HAPSTR1: variants seen among roughly 807,000 people sequenced by gnomAD.
HAPSTR1 encodes the protein HUWE1 associated protein modifying stress responses.
chr16:9,106,871 G>A, the HAPSTR1 span: 13,143 of 152,126 alleles, frequency 0.086, 777 homozygotes, highest in Admixed American at 0.18. Flanking sequence ...TCGTTTTTAT[G>A]TAAACAGCAT....
chr16:9,104,455 A>G, the HAPSTR1 span: 2 of 152,368 alleles, frequency 1.3e-5, no homozygotes, highest in East Asian at 3.9e-4. Context: ...GTCATCTAAA[A>G]CAAAGTAACC....
At chr16:9,092,400 C>G in the HAPSTR1 span, 3 of 812,916 alleles carry the variant, frequency 3.7e-6, no homozygotes, top group South Asian at 1.2e-4. Flanking sequence ...GCCGGTGGCT[C>G]CGCGGCCCTG....
chr16:9,109,086 C>T, the HAPSTR1 span: 1 of 152,306 alleles, frequency 6.6e-6, no homozygotes, highest in Admixed American at 6.5e-5. Context: ...AGCTATCACA[C>T]TGGAGGGATC....
the HAPSTR1 span, chr16:9,116,648 A>T: frequency 6.2e-7 from 1 of 1,606,210 alleles, no homozygotes; most frequent in Non-Finnish European, 8.5e-7. Context: ...CAACTCTAAA[A>T]CCTTTTTTCT....
the HAPSTR1 span, chr16:9,112,862 GT>G: frequency 4.1e-4 from 63 of 152,190 alleles, no homozygotes; most frequent in African/African-American, 1.5e-3. Context: ...AAACTGCTGA[GT>G]TTATCTTGTG....
At chr16:9,119,250 A>C in the HAPSTR1 span, 1 of 152,230 alleles carries the variant, frequency 6.6e-6, no homozygotes, top group East Asian at 1.9e-4. Context: ...AAAACTTCTG[A>C]CAGCTAGGTT....
At chr16:9,101,980 G>A in the HAPSTR1 span, among the ~76,000 whole-genome samples, 4 of 152,172 alleles carry the variant, frequency 2.6e-5, no homozygotes, top group Admixed American at 1.3e-4. Flanking sequence ...AATTAGCCAG[G>A]CATGGTGGCG....
At chr16:9,101,393 T>G in the HAPSTR1 span, among the ~76,000 whole-genome samples, 6 of 152,232 alleles carry the variant, frequency 3.9e-5, no homozygotes, top group African/African-American at 1.4e-4. Flanking sequence ...TGAGCTGCTT[T>G]TTATATTTGT....
the HAPSTR1 span, among the ~76,000 whole-genome samples, chr16:9,095,346 A>C: frequency 6.6e-6 from 1 of 152,222 alleles, no homozygotes; most frequent in Non-Finnish European, 1.5e-5. Flanking sequence ...AGAACCAATA[A>C]AATTAGCAAG....
chr16:9,117,255 G>A, the HAPSTR1 span: 2 of 213,460 alleles, frequency 9.4e-6, no homozygotes, highest in East Asian at 1.2e-4. Flanking sequence ...TTTGGTTATA[G>A]AATGCTTTTT....
chr16:9,097,240 CTTTT>C, the HAPSTR1 span, among the ~76,000 whole-genome samples: 1 of 140,800 alleles, frequency 7.1e-6, no homozygotes, highest in Non-Finnish European at 1.5e-5. Flanking sequence ...GCGCCTGGCT[CTTTT>C]TTTTTTTTTT....
the HAPSTR1 span, among the ~76,000 whole-genome samples, chr16:9,099,822 C>G: frequency 6.6e-6 from 1 of 152,262 alleles, no homozygotes; most frequent in East Asian, 1.9e-4. Context: ...GTAGTCATGC[C>G]TAAGATTCTC....
At chr16:9,114,629 A>G in the HAPSTR1 span, among the ~76,000 whole-genome samples, 5 of 152,096 alleles carry the variant, frequency 3.3e-5, no homozygotes, top group Non-Finnish European at 5.9e-5. Context: ...GGGAAGAGAG[A>G]GAAACTGTTC....
At chr16:9,108,696 G>A in the HAPSTR1 span, 1 of 152,074 alleles carries the variant, frequency 6.6e-6, no homozygotes, top group African/African-American at 2.4e-5. Context: ...TAGACTTAAA[G>A]GTGAATGACC....
the HAPSTR1 span, chr16:9,093,040 G>A: frequency 1.9e-6 from 3 of 1,565,166 alleles, no homozygotes; most frequent in Non-Finnish European, 2.6e-6. Context: ...TCAGGGAAGG[G>A]CCGCCTGCGT....
At chr16:9,096,316 GTAA>G in the HAPSTR1 span, among the ~76,000 whole-genome samples, 12 of 152,232 alleles carry the variant, frequency 7.9e-5, no homozygotes, top group East Asian at 3.9e-4. Flanking sequence ...ATGAAGGGAA[GTAA>G]TAATAGTTTA....
the HAPSTR1 span, among the ~76,000 whole-genome samples, chr16:9,113,728 G>A: frequency 6.6e-6 from 1 of 152,120 alleles, no homozygotes; most frequent in South Asian, 2.1e-4. Flanking sequence ...GAAGAACATG[G>A]GCACCTTGTA....
chr16:9,092,203 G>A, the HAPSTR1 span: 2 of 1,587,378 alleles, frequency 1.3e-6, no homozygotes, highest in Admixed American at 1.8e-5. Flanking sequence ...CGCAGCCCGA[G>A]CACAAGCAGC....
chr16:9,115,136 G>C, the HAPSTR1 span, among the ~76,000 whole-genome samples: 61 of 152,298 alleles, frequency 4.0e-4, no homozygotes, highest in South Asian at 1.5e-3. Flanking sequence ...CATGTGCGAT[G>C]ATAGTGGAGG....
Sources: allele counts gnomAD v4.1 joint callset (sites outside exome capture counted in the v4.1 genomes callset), GRCh38; gene constraint gnomAD v4.1.1; transcripts MANE v1.5; gene names NCBI Gene and HGNC (gene_info 2026-07-23, HGNC 2026-07-21).